PTPRS: variants seen among roughly 807,000 people sequenced by gnomAD.
PTPRS encodes the protein protein tyrosine phosphatase receptor type S, also known as receptor-type tyrosine-protein phosphatase S.
PTPRS carries 63 observed loss-of-function variants against 215.3 expected under a neutral mutation model. The observed-to-expected ratio is 0.29, with a 90% CI of 0.24 to 0.36. The LOEUF (loss-of-function observed/expected upper bound fraction) is 0.36, where lower values mean the gene tolerates loss of function less well. Among genes scored for constraint, PTPRS ranks in the 10% least tolerant of loss-of-function variants. PTPRS has a pLI of 1.00. For missense variants in PTPRS, 2,258 were observed against 2,825.8 expected, an observed-to-expected ratio of 0.80 and a Z score of 4.56; for synonymous variants, 1,404 against 1,191.4, an observed-to-expected ratio of 1.18 and a Z score of -3.68.
rs767763908 is a variant in PTPRS at position 5,218,527 on chromosome 19, C to T, written c.3941G>A (p.Arg1314His). 9.3e-6 allele frequency: 15 copies of T among 1,613,984 alleles called. No homozygotes were observed. The Admixed American group carries it at 2.0e-4, about 22-fold the overall frequency. The change falls in exon 25 of 38, where the codon CGC (arginine) becomes CAC (histidine). Residue 1314 changes from arginine to histidine, a missense_variant. Physicochemically the swap from Arg to His is conservative, Grantham distance 29 (BLOSUM62 0). Around this residue, in one of 6 missense-constraint regions of PTPRS, gnomAD observed 927 missense variants for 1,125.9 expected, o/e 0.82. Coordinates refer to ENST00000262963, the MANE Select transcript of PTPRS (RefSeq NM_002850.4). Reference protein sequence around the residue: ...LLYKNKPDSKRKDSEPRTKCL... With the variant: ...LLYKNKPDSKHKDSEPRTKCL... Reference sequence around the variant, plus strand: ...TTTGGTGCGGGGTTCTGAGTCCTTGCGTTTACTTTAGGAGAAGCAAGCGGA... The same window carrying T: ...TTTGGTGCGGGGTTCTGAGTCCTTGTGTTTACTTTAGGAGAAGCAAGCGGA...
At chr19:5,209,749 C>T (rs185883442) in intron 35 of PTPRS, among the ~76,000 whole-genome samples, 27 of 152,294 alleles carry the variant, frequency 1.8e-4, no homozygotes, top group African/African-American at 5.3e-4. Flanking sequence ...TCCTGTTATG[C>T]GAATGTTCTT....
intron 9 of PTPRS, among the ~76,000 whole-genome samples, chr19:5,251,713 C>T (rs1430265892): frequency 6.6e-6 from 1 of 152,110 alleles, no homozygotes; most frequent in Non-Finnish European, 1.5e-5. Flanking sequence ...CGCCGCCCAC[C>T]CTGGCCAAAT....
In PTPRS at chr19:5,229,322, G is replaced by GGCCC; in HGVS notation, c.2369_2370insGGGC (p.Glu791GlyfsTer4). ...GGCCAGGGGCGCTACTTACATATTC[G>GGCCC]GCCGTGTCATCCGTCTCCCACTGAG... On this transcript the variant is annotated frameshift_variant, in exon 16 of 38. Coordinates refer to ENST00000262963, the MANE Select transcript of PTPRS (RefSeq NM_002850.4). LOFTEE classifies it high-confidence loss of function. 1.5e-6 allele frequency: 2 copies of GGCCC among 1,376,294 alleles called. No homozygotes were observed. Among genetic ancestry groups the GGCCC allele is most frequent in the Admixed American group, 6.2e-5 (2 of 32,480 alleles). The allele number at this position is 1,376,294 out of a possible 1,614,324, so 85.3% of individuals were successfully genotyped here.
chr19:5,265,284 C>T (rs1042819601), intron 4 of PTPRS, 88 bp from the exon 5 acceptor site: 30 of 1,276,280 alleles, frequency 2.4e-5, no homozygotes, highest in Middle Eastern at 2.7e-4. Context: ...TGCCTGGCCA[C>T]GGGTCCAGCT....
chr19:5,267,021 G>A (rs1303873960), intron 4 of PTPRS, among the ~76,000 whole-genome samples: 4 of 152,140 alleles, frequency 2.6e-5, no homozygotes, highest in South Asian at 2.1e-4. Flanking sequence ...CACAGCATCC[G>A]TAGCACCCAG....
chr19:5,248,439 AAGG>A (rs913112130), intron 9 of PTPRS, among the ~76,000 whole-genome samples: 4 of 151,358 alleles, frequency 2.6e-5, no homozygotes, highest in South Asian at 2.1e-4. Flanking sequence ...CGGGGTCTGA[AAGG>A]AGGAGGACTG....
In PTPRS at chr19:5,339,221, C is replaced by A. The variant is rs1258460160; in HGVS notation, c.-95+1443G>T. Among the ~76,000 whole-genome samples the A allele has an allele frequency of 6.6e-6, 1 of 151,940 alleles. No individual in the cohort carries two copies. The highest frequency in any genetic ancestry group is 1.5e-5 in the Non-Finnish European group (1 of 67,972). Reference sequence around the variant, plus strand: ...GGGGGACAGGGGAATCCCAGCTGAGCCCAGAAGGGGGAGGCAAGGCACCCC... The same window carrying A: ...GGGGGACAGGGGAATCCCAGCTGAGACCAGAAGGGGGAGGCAAGGCACCCC... On this transcript the variant is annotated intron_variant, in intron 1 of 37. Coordinates refer to ENST00000262963, the MANE Select transcript of PTPRS (RefSeq NM_002850.4). The surrounding 1 kb of genome is among the most constrained non-coding windows in gnomAD (Gnocchi z 4.2).
chr19:5,232,183 ATAATAG>A (rs911119623), intron 13 of PTPRS, among the ~76,000 whole-genome samples: 1 of 150,576 alleles, frequency 6.6e-6, no homozygotes, highest in Non-Finnish European at 1.5e-5. Flanking sequence ...GCTTCACAAA[ATAATAG>A]TAAAATATCT....
At chr19:5,290,793 C>G (rs1026105776) in intron 1 of PTPRS, among the ~76,000 whole-genome samples, 2 of 151,866 alleles carry the variant, frequency 1.3e-5, no homozygotes, top group Admixed American at 6.6e-5. Context: ...CACAATCTCT[C>G]CACCTTCACA....
intron 9 of PTPRS, among the ~76,000 whole-genome samples, chr19:5,252,137 G>A (rs943198643): frequency 2.0e-5 from 3 of 152,178 alleles, no homozygotes; most frequent in Non-Finnish European, 4.4e-5. Flanking sequence ...AAGAAGACCT[G>A]GGAATCGGGC....
At chr19:5,212,299 C>G (rs375900256) in intron 31 of PTPRS, 38 bp downstream of exon 31, 3 of 1,609,176 alleles carry the variant, frequency 1.9e-6, no homozygotes, top group African/African-American at 2.7e-5. Flanking sequence ...CTGCGGGGAC[C>G]GGGGGGAAGC....
intron 35 of PTPRS, among the ~76,000 whole-genome samples, chr19:5,209,850 T>A (rs894504793): frequency 4.6e-5 from 7 of 152,136 alleles, no homozygotes; most frequent in Non-Finnish European, 8.8e-5. Flanking sequence ...TCAGCAGCCT[T>A]CACCATCCTT....
chr19:5,209,249 C>T (rs1000436282), intron 35 of PTPRS, among the ~76,000 whole-genome samples: 1 of 152,156 alleles, frequency 6.6e-6, no homozygotes, highest in Non-Finnish European at 1.5e-5. Context: ...TCCTACCACC[C>T]AGTGGTGCCA....
At chr19:5,319,438 AG>A (rs1330037141) in intron 1 of PTPRS, among the ~76,000 whole-genome samples, 57 of 148,970 alleles carry the variant, frequency 3.8e-4, no homozygotes, top group African/African-American at 1.4e-3. Flanking sequence ...TTTTTTAAAA[AG>A]CTATCCCAAA....
intron 9 of PTPRS, among the ~76,000 whole-genome samples, chr19:5,254,420 G>C (rs1430859611): frequency 1.1e-5 from 1 of 89,110 alleles, no homozygotes. Context: ...TATTTTATTG[G>C]GGGGTGTTTT....
At chr19:5,269,857 G>A (rs2046752203) in intron 4 of PTPRS, among the ~76,000 whole-genome samples, 1 of 147,282 alleles carries the variant, frequency 6.8e-6, no homozygotes, top group Non-Finnish European at 1.5e-5. Context: ...GGAGGCGGAG[G>A]TTGCAGTGAG....
chr19:5,265,394 T>C (rs915612968), intron 4 of PTPRS, among the ~76,000 whole-genome samples, 198 bp from the exon 5 acceptor site: 4 of 152,034 alleles, frequency 2.6e-5, no homozygotes, highest in African/African-American at 9.7e-5. Context: ...CAGGCTGGAG[T>C]ACAGTGGCTC....
intron 1 of PTPRS, among the ~76,000 whole-genome samples, chr19:5,298,431 T>C (rs989216774): frequency 1.3e-5 from 2 of 152,316 alleles, no homozygotes; most frequent in African/African-American, 4.8e-5. Context: ...TCCTTCATAT[T>C]TGGCACCAAA....
rs570739279 is a variant in PTPRS, at chr19:5,329,261, C to T, written c.-95+11403G>A. On this transcript the variant is annotated intron_variant, in intron 1 of 37. Transcript: ENST00000262963. ...GAGGAGGAGAGATGAGGCCAGCGGC[C>T]CACAGAGAGGAGTCTGAGGGTGCCA... Among the ~76,000 whole-genome samples the T allele has an allele frequency of 3.9e-5, 6 of 151,978 alleles. No individual in the cohort carries two copies. The South Asian group carries it at 1.3e-3, about 32-fold the overall frequency.
Sources: gnomAD v4.1 joint callset for allele counts (sites outside exome capture counted in the v4.1 genomes callset) on GRCh38, gnomAD v4.1.1 for gene constraint, gnomAD v4.1.1 regional missense constraint, Gnocchi (gnomAD v3.1) non-coding constraint, MANE v1.5 for transcripts, NCBI Gene and HGNC (gene_info 2026-07-23, HGNC 2026-07-21) for gene names.